The following TPGS2 variants were observed in gnomAD, a reference collection of about 807,000 sequenced individuals.
TPGS2 encodes the protein tubulin polyglutamylase complex subunit 2, also known as polyglutamylase subunit 2.
TPGS2 carries 26 observed loss-of-function variants against 31.1 expected under a neutral mutation model. That is an observed-to-expected ratio of 0.84 (90% CI 0.61 to 1.16). TPGS2 has a LOEUF of 1.16. TPGS2 is among the 50% of genes most tolerant of loss of function. The pLI, the probability that TPGS2 is intolerant of heterozygous loss-of-function variation, is 0.00. For missense variants in TPGS2, 351 were observed against 363.8 expected, an observed-to-expected ratio of 0.96 and a Z score of 0.29; for synonymous variants, 130 against 136.6, an observed-to-expected ratio of 0.95 and a Z score of 0.34.
chr18:36,811,744 G>A (rs553642449), intron 2 of TPGS2, among the ~76,000 whole-genome samples: 4 of 152,286 alleles, frequency 2.6e-5, no homozygotes, highest in Non-Finnish European at 5.9e-5. Flanking sequence ...TCTGACTTTT[G>A]CGTTTTATCT....
chr18:36,827,655 A>G (rs2046225863), intron 1 of TPGS2, among the ~76,000 whole-genome samples: 2 of 152,234 alleles, frequency 1.3e-5, no homozygotes, highest in Admixed American at 6.5e-5. Context: ...CATGCTTTTC[A>G]GCCTTCTTAA....
In TPGS2 at chr18:36,796,913, C is replaced by A. The variant is rs770692384; in HGVS notation, c.795G>T (p.Gly265=). Residue 265 remains glycine (G), a synonymous_variant, in exon 7 of 7, where the codon GGG becomes GGT. Coordinates refer to ENST00000334295, the MANE Select transcript of TPGS2 (RefSeq NM_015476.4). ...KNKIVIPKKK[G]PVQPAGGQKG... Reference sequence around the variant, plus strand: ...TCTGGCCACCTGCAGGCTGCACAGGCCCTTTCTTTTTTGGGATTACGATCT... The same window carrying A: ...TCTGGCCACCTGCAGGCTGCACAGGACCTTTCTTTTTTGGGATTACGATCT... 1.2e-6 allele frequency: 2 copies of A among 1,610,280 alleles called. No homozygotes were observed. The highest frequency in any genetic ancestry group is 3.4e-5 in the Admixed American group (2 of 59,206).
intron 6 of TPGS2, among the ~76,000 whole-genome samples, chr18:36,786,037 G>A (rs961444219): frequency 3.4e-5 from 5 of 149,066 alleles, no homozygotes; most frequent in African/African-American, 1.2e-4. Context: ...TCTCTTAGGG[G>A]TGGAGACTTT....
intron 2 of TPGS2, chr18:36,817,573 G>C (rs955316329): frequency 1.9e-4 from 29 of 152,256 alleles, no homozygotes; most frequent in African/African-American, 6.0e-4. Context: ...ATAGCTGGGA[G>C]GACAGGTGTG....
Position 36,828,678 on chromosome 18 carries a change from C to G in TPGS2, c.85+5G>C, listed in dbSNP as rs1372810051. ...CCCTCTCGGCACCGTGCCCCCTTTC[C>G]TCACCTAGGATGCGCGTGATGCCCA... is the stretch of plus-strand genomic sequence containing the variant. On this transcript the variant is annotated splice_donor_5th_base_variant and intron_variant, in intron 1 of 6. Transcript: ENST00000334295. 1 of 1,614,080 alleles carries G rather than the reference C, an allele frequency of 6.2e-7. No homozygotes were observed. Among genetic ancestry groups the G allele is most frequent in the Admixed American group, 1.7e-5 (1 of 60,022 alleles).
At chr18:36,828,615 C>A (rs2046312979) in intron 1 of TPGS2, 68 bp downstream of exon 1, 7 of 1,561,562 alleles carry the variant, frequency 4.5e-6, no homozygotes, top group East Asian at 2.2e-5. Context: ...GCTCACCCCG[C>A]ACCTCATCCC....
chr18:36,798,134 T>C, intron 6 of TPGS2: 1 of 1,118,884 alleles, frequency 8.9e-7, no homozygotes, highest in Non-Finnish European at 1.1e-6. Flanking sequence ...AATCTGACTT[T>C]TCACTCTTCC....
chr18:36,810,560 A>G (rs1026390154), intron 2 of TPGS2, among the ~76,000 whole-genome samples: 4 of 152,106 alleles, frequency 2.6e-5, no homozygotes, highest in Admixed American at 2.6e-4. Context: ...GAGGAGGGTA[A>G]TATCAGGATT....
At chr18:36,805,028 G>C (rs2045043659) in intron 4 of TPGS2, among the ~76,000 whole-genome samples, 2 of 152,136 alleles carry the variant, frequency 1.3e-5, no homozygotes, top group Non-Finnish European at 2.9e-5. Context: ...TTCTTGTTAT[G>C]AGAAAAATAA....
downstream of TPGS2, among the ~76,000 whole-genome samples, chr18:36,793,658 C>A (rs2044392164): frequency 6.6e-6 from 1 of 152,170 alleles, no homozygotes; most frequent in African/African-American, 2.4e-5. Flanking sequence ...CATATGCATA[C>A]AGTATGTAAA....
At chr18:36,800,115 G>T (rs762550219) in intron 5 of TPGS2, 83 bp downstream of exon 5, 11 of 1,213,766 alleles carry the variant, frequency 9.1e-6, no homozygotes, top group Non-Finnish European at 1.3e-5. Flanking sequence ...AAGGAGGTAT[G>T]TGTCTCCTGA....
At chr18:36,798,126 T>C (rs2150565126) in intron 6 of TPGS2, 1 of 1,109,762 alleles carries the variant, frequency 9.0e-7, no homozygotes, top group Non-Finnish European at 1.1e-6. Flanking sequence ...GGAGTGAGAA[T>C]CTGACTTTTC....
intron 2 of TPGS2, 41 bp downstream of exon 2, chr18:36,818,853 C>T: frequency 1.9e-6 from 3 of 1,565,136 alleles, no homozygotes; most frequent in Non-Finnish European, 1.8e-6. Context: ...TTACACTGAC[C>T]TCTCTTTGAT....
intron 1 of TPGS2, among the ~76,000 whole-genome samples, chr18:36,826,290 G>T (rs1243359537): frequency 6.6e-6 from 1 of 152,176 alleles, no homozygotes; most frequent in Non-Finnish European, 1.5e-5. Context: ...GCCTCCCAGT[G>T]TTGGGATTAC....
At chr18:36,823,417 C>G (rs2045977755) in intron 1 of TPGS2, among the ~76,000 whole-genome samples, 1 of 146,880 alleles carries the variant, frequency 6.8e-6, no homozygotes, top group Non-Finnish European at 1.5e-5. Context: ...GTAACAGATT[C>G]TTTTCCTACC....
chr18:36,814,023 A>G (rs979229795), intron 2 of TPGS2, among the ~76,000 whole-genome samples: 1 of 152,144 alleles, frequency 6.6e-6, no homozygotes, highest in African/African-American at 2.4e-5. Flanking sequence ...AGAAAAACTG[A>G]GTCTGAAAAA....
chr18:36,815,673 A>T (rs1049510182), intron 2 of TPGS2, among the ~76,000 whole-genome samples: 1 of 152,138 alleles, frequency 6.6e-6, no homozygotes, highest in Non-Finnish European at 1.5e-5. Context: ...ATCAGAAAAA[A>T]AGTGTTACAT....
intron 6 of TPGS2, 115 bp downstream of exon 6, chr18:36,798,334 C>T: frequency 6.5e-7 from 1 of 1,540,342 alleles, no homozygotes; most frequent in Non-Finnish European, 8.8e-7. Flanking sequence ...GGTTCCTGGG[C>T]CCCACCCTAG....
In TPGS2 at chr18:36,800,178, C is replaced by T. The variant is rs777631511; in HGVS notation, c.496+20G>A. On this transcript the variant is annotated intron_variant, in intron 5 of 6. Coordinates refer to ENST00000334295, the MANE Select transcript of TPGS2 (RefSeq NM_015476.4). ...AGACCCTAGCCAAACTACGGGACCA[C>T]GCTTGTAAACAATTCTTACCTGGTT... The T allele has an allele frequency of 1.1e-5, 17 of 1,608,926 alleles. No individual in the cohort carries two copies. The highest frequency in any genetic ancestry group is 6.7e-5 in the African/African-American group (5 of 74,770).
Sources: gnomAD v4.1 joint callset for allele counts (sites outside exome capture counted in the v4.1 genomes callset) on GRCh38, gnomAD v4.1.1 for gene constraint, MANE v1.5 for transcripts, NCBI Gene and HGNC (gene_info 2026-07-23, HGNC 2026-07-21) for gene names.